RTN1: variants seen among roughly 807,000 people sequenced by gnomAD.
The protein encoded by RTN1 is reticulon 1.
A neutral mutation model predicts 65.5 loss-of-function variants in RTN1; 25 were observed. The ratio of observed to expected loss-of-function variants is 0.38; its 90% CI spans 0.28 to 0.53. The LOEUF is 0.53. Ranked by LOEUF, RTN1 falls within the 20% of genes least tolerant of loss-of-function variation. The probability of loss-of-function intolerance (pLI) is 0.79; values close to 1 mark genes in which losing one functional copy is unlikely to be tolerated. For synonymous variants in RTN1, 471 were observed against 447.6 expected (o/e 1.05, Z -0.66); for missense variants, 983 against 1,025.4 (o/e 0.96, Z 0.57).
chr14:59,707,044 C>T (rs901886300), intron 3 of RTN1, among the ~76,000 whole-genome samples: 12 of 152,170 alleles, frequency 7.9e-5, no homozygotes, highest in African/African-American at 2.7e-4. Context: ...GTGTTCTAAC[C>T]ATGTGCTGAA....
At chr14:59,636,987 G>A (rs1398616569) in intron 3 of RTN1, among the ~76,000 whole-genome samples, 2 of 152,218 alleles carry the variant, frequency 1.3e-5, no homozygotes, top group Non-Finnish European at 2.9e-5. Context: ...AGTGGTTGCA[G>A]CAATTTTTGA....
intron 1 of RTN1, among the ~76,000 whole-genome samples, chr14:59,865,147 C>G (rs1027977053): frequency 6.6e-6 from 1 of 152,102 alleles, no homozygotes; most frequent in Admixed American, 6.5e-5. Context: ...TATATTCATT[C>G]TTTTCTAAGG....
intron 1 of RTN1, among the ~76,000 whole-genome samples, chr14:59,749,220 C>A (rs868598056): frequency 2.1e-4 from 12 of 55,876 alleles, no homozygotes; most frequent in African/African-American, 9.3e-4. Flanking sequence ...CTATATATAT[C>A]TATATATCTA....
chr14:59,739,345 AG>A (rs1247318546), intron 2 of RTN1, among the ~76,000 whole-genome samples: 2 of 152,158 alleles, frequency 1.3e-5, no homozygotes, highest in African/African-American at 4.8e-5. Flanking sequence ...CGGGGAGACC[AG>A]CCTGGCCAGC....
intron 1 of RTN1, among the ~76,000 whole-genome samples, chr14:59,784,739 T>C (rs562267881): frequency 5.3e-5 from 8 of 152,348 alleles, no homozygotes; most frequent in Admixed American, 5.2e-4. Flanking sequence ...AGAAAACTAT[T>C]TGCCATGTGC....
chr14:59,747,046 T>C (rs2139510771), intron 1 of RTN1, among the ~76,000 whole-genome samples: 1 of 152,202 alleles, frequency 6.6e-6, no homozygotes, highest in East Asian at 1.9e-4. Flanking sequence ...AAGGACCTCC[T>C]AGCTTTGGGC....
chr14:59,652,426 C>T (rs1057186129), intron 3 of RTN1, among the ~76,000 whole-genome samples: 3 of 152,142 alleles, frequency 2.0e-5, no homozygotes, highest in African/African-American at 7.2e-5. Context: ...ATGGAACCAA[C>T]CTAAATGCCC....
chr14:59,806,302 A>G (rs905613536), intron 1 of RTN1, among the ~76,000 whole-genome samples: 1 of 151,716 alleles, frequency 6.6e-6, no homozygotes, highest in Non-Finnish European at 1.5e-5. Context: ...ATAAAATCCC[A>G]TTAAATTATA....
intron 1 of RTN1, among the ~76,000 whole-genome samples, chr14:59,865,162 A>C (rs1440848409): frequency 6.6e-6 from 1 of 152,190 alleles, no homozygotes; most frequent in Non-Finnish European, 1.5e-5. Flanking sequence ...CTAAGGGTCT[A>C]TGAATATTTA....
At chr14:59,841,780 T>G (rs577365505) in intron 1 of RTN1, among the ~76,000 whole-genome samples, 1 of 150,074 alleles carries the variant, frequency 6.7e-6, no homozygotes, top group East Asian at 2.0e-4. Flanking sequence ...AATATTTACT[T>G]AGATAGCTAG....
At chr14:59,820,615 T>G (rs1223658748) in intron 1 of RTN1, among the ~76,000 whole-genome samples, 1 of 152,206 alleles carries the variant, frequency 6.6e-6, no homozygotes, top group Non-Finnish European at 1.5e-5. Context: ...TTCAGTCTTC[T>G]GCATACAGCC....
rs1033208238 is a variant in RTN1 at position 59,816,419 on chromosome 14, G to A, written c.241+53971C>T. On this transcript the variant is annotated intron_variant, in intron 1 of 8. Coordinates refer to ENST00000267484, the MANE Select transcript of RTN1 (RefSeq NM_021136.3). The surrounding 1 kb of genome is among the most constrained non-coding windows in gnomAD (Gnocchi z 4.3). ...TAATTGCCTGCCTTCTCCAATCCTC[G>A]GAGAGCTCCTAGGAAACAAGAATGG... Among the ~76,000 whole-genome samples, 11 of 152,204 alleles carry A rather than the reference G, an allele frequency of 7.2e-5. No homozygotes were observed. The highest frequency in any genetic ancestry group is 2.1e-4 in the South Asian group (1 of 4,818).
chr14:59,760,075 A>C (rs1885718658), intron 1 of RTN1, among the ~76,000 whole-genome samples: 1 of 152,236 alleles, frequency 6.6e-6, no homozygotes, highest in African/African-American at 2.4e-5. Context: ...TTATAGCATA[A>C]GTTGAAAAAA....
At chr14:59,714,414 TTTG>T (rs1884490573) in intron 3 of RTN1, among the ~76,000 whole-genome samples, 1 of 152,100 alleles carries the variant, frequency 6.6e-6, no homozygotes, top group Admixed American at 6.5e-5. Flanking sequence ...GAAGGAATTT[TTTG>T]TTGTTGTTGC....
intron 3 of RTN1, among the ~76,000 whole-genome samples, chr14:59,628,147 C>A (rs1053739130): frequency 1.3e-5 from 2 of 152,104 alleles, no homozygotes; most frequent in Non-Finnish European, 2.9e-5. Flanking sequence ...CCAGCCTGGG[C>A]AACATAGTGA....
At chr14:59,845,518 C>A (rs577767959) in intron 1 of RTN1, among the ~76,000 whole-genome samples, 1 of 152,284 alleles carries the variant, frequency 6.6e-6, no homozygotes, top group East Asian at 1.9e-4. Context: ...TCCTTAACCT[C>A]CCATGCCTCA....
intron 1 of RTN1, among the ~76,000 whole-genome samples, chr14:59,779,390 C>A (rs895862357): frequency 6.6e-6 from 1 of 151,966 alleles, no homozygotes; most frequent in African/African-American, 2.4e-5. Context: ...TAAATATGCT[C>A]ACTGGGATAG....
At chr14:59,637,451 C>T (rs1049054762) in intron 3 of RTN1, among the ~76,000 whole-genome samples, 3 of 152,198 alleles carry the variant, frequency 2.0e-5, no homozygotes, top group Admixed American at 6.5e-5. Context: ...CGGTGGCTTA[C>T]GCCTGTAATC....
chr14:59,630,830 G>C (rs1265864871), intron 3 of RTN1: 1 of 1,010,956 alleles, frequency 9.9e-7, no homozygotes, highest in Admixed American at 5.9e-5. Context: ...CGAAGGCGCT[G>C]ACGCGGACAG....
Sources: gnomAD v4.1 joint callset for allele counts (sites outside exome capture counted in the v4.1 genomes callset) on GRCh38, gnomAD v4.1.1 for gene constraint, Gnocchi (gnomAD v3.1) non-coding constraint, MANE v1.5 for transcripts, NCBI Gene and HGNC (gene_info 2026-07-23, HGNC 2026-07-21) for gene names.